ITPR2: variants seen among roughly 807,000 people sequenced by gnomAD.
ITPR2 encodes the protein inositol 1,4,5-trisphosphate receptor type 2, also known as inositol 1,4,5-trisphosphate-gated calcium channel ITPR2.
Under a neutral mutation model 317.1 loss-of-function variants are expected in ITPR2, and 207 were observed. That is an observed-to-expected ratio of 0.65 (90% CI 0.58 to 0.73). The LOEUF (loss-of-function observed/expected upper bound fraction) is 0.73. Ranked by LOEUF, ITPR2 falls within the 30% of genes least tolerant of loss-of-function variation. The probability of loss-of-function intolerance (pLI) is 0.00; values close to 1 mark genes in which losing one functional copy is unlikely to be tolerated. For missense variants in ITPR2, 2,613 were observed against 3,284.0 expected, an observed-to-expected ratio of 0.80 and a Z score of 4.99; for synonymous variants, 1,156 against 1,149.1, an observed-to-expected ratio of 1.01 and a Z score of -0.12.
intron 52 of ITPR2, among the ~76,000 whole-genome samples, chr12:26,408,617 C>T (rs561040654): frequency 2.0e-5 from 3 of 152,290 alleles, no homozygotes; most frequent in Admixed American, 6.5e-5. Context: ...CTGGCTACCA[C>T]GCTGTGGGTG....
chr12:26,433,560 T>C (rs1169962568), intron 48 of ITPR2, among the ~76,000 whole-genome samples: 2 of 152,194 alleles, frequency 1.3e-5, no homozygotes, highest in Non-Finnish European at 2.9e-5. Flanking sequence ...GTGATTTCAA[T>C]TCCTTCAACT....
chr12:26,529,677 C>G (rs752739143), intron 37 of ITPR2, among the ~76,000 whole-genome samples: 1 of 152,166 alleles, frequency 6.6e-6, no homozygotes, highest in East Asian at 1.9e-4. Context: ...AATAACCAAA[C>G]GTCTCTAAAC....
intron 13 of ITPR2, among the ~76,000 whole-genome samples, chr12:26,669,949 A>G (rs1301787614): frequency 3.3e-5 from 5 of 152,306 alleles, no homozygotes; most frequent in South Asian, 2.1e-4. Flanking sequence ...CTGATTGCTA[A>G]CGCAGCAGTC....
intron 13 of ITPR2, among the ~76,000 whole-genome samples, chr12:26,669,200 AAATATTATT>A (rs1415950312): frequency 6.6e-6 from 1 of 151,826 alleles, no homozygotes; most frequent in Non-Finnish European, 1.5e-5. Flanking sequence ...TACATTCTAA[AAATATTATT>A]AATCTATAAG....
At chr12:26,600,569 T>A (rs1462933078) in intron 28 of ITPR2, among the ~76,000 whole-genome samples, 3 of 152,050 alleles carry the variant, frequency 2.0e-5, no homozygotes, top group African/African-American at 7.2e-5. Context: ...AAATGTCTCA[T>A]TTTGCAGTAT....
At position 26,654,789 on chromosome 12, in the gene ITPR2, G is replaced by A. The variant is rs137992197; in HGVS notation, c.2590-663C>T. On this transcript the variant is annotated intron_variant, in intron 20 of 56. Transcript: ENST00000381340. ...GCCTACAGAAAGGCCCACATGGCAG[G>A]AAGCTGAGGTGCCAACAGCCAGCAA... is the stretch of plus-strand genomic sequence containing the variant. Among the ~76,000 whole-genome samples the A allele has an allele frequency of 9.8e-5, 15 of 152,294 alleles. No homozygotes were observed. The East Asian group carries it at 2.9e-3, about 29-fold the overall frequency.
intron 2 of ITPR2, among the ~76,000 whole-genome samples, chr12:26,738,149 T>C (rs957100252): frequency 2.6e-5 from 4 of 152,228 alleles, no homozygotes; most frequent in Admixed American, 2.6e-4. Context: ...GTATTACTAT[T>C]GTTCCCATGT....
intron 36 of ITPR2, among the ~76,000 whole-genome samples, chr12:26,553,352 C>T (rs570085412): frequency 3.5e-4 from 53 of 152,354 alleles, no homozygotes; most frequent in African/African-American, 1.2e-3. Context: ...GGTCTATCCT[C>T]ATATTCTCCT....
chr12:26,832,591 C>T, intron 1 of ITPR2, 99 bp downstream of exon 1: 2 of 873,748 alleles, frequency 2.3e-6, no homozygotes, highest in Non-Finnish European at 3.4e-6. Context: ...GCCGGGCCAC[C>T]ACGCGCGGCA....
At chr12:26,542,411 T>C (rs1327507277) in intron 37 of ITPR2, among the ~76,000 whole-genome samples, 2 of 152,172 alleles carry the variant, frequency 1.3e-5, no homozygotes, top group East Asian at 3.8e-4. Flanking sequence ...ACTGTTTAGG[T>C]TGGAATCCCA....
chr12:26,660,878 T>C (rs570703859), intron 15 of ITPR2, among the ~76,000 whole-genome samples: 2 of 151,934 alleles, frequency 1.3e-5, no homozygotes, highest in Non-Finnish European at 2.9e-5. Context: ...AAGTCACAAA[T>C]GAACTTCCTA....
intron 55 of ITPR2, among the ~76,000 whole-genome samples, chr12:26,364,056 T>C (rs543684603): frequency 2.6e-5 from 4 of 152,298 alleles, no homozygotes; most frequent in South Asian, 4.1e-4. Context: ...CCGTGGATAT[T>C]TGGCTAGGCT....
In ITPR2 at chr12:26,786,449, T is replaced by TAAAAA. The variant is rs59014121; in HGVS notation, c.163+3703_163+3707dup. Among the ~76,000 whole-genome samples, 118 of 119,218 alleles carry TAAAAA rather than the reference T, an allele frequency of 9.9e-4. 1 individual carries two copies. The highest frequency in any genetic ancestry group is 3.8e-3 in the African/African-American group (103 of 26,806). 78.2% of individuals were successfully genotyped at this position (119,218 alleles called of 152,430 possible). A position where few individuals can be genotyped will look rare whatever the true frequency, so the allele number is the denominator to read the frequency against. The stretch of plus-strand genomic sequence containing the variant: ...GCGAGAAACACCCAAGAATGATCAA[T>TAAAAA]AAAAAAAAAAAAAAAAAAAAATGGA... On this transcript the variant is annotated intron_variant, in intron 2 of 56. Coordinates refer to ENST00000381340, the MANE Select transcript of ITPR2 (RefSeq NM_002223.4).
chr12:26,484,005 G>GT, intron 41 of ITPR2, 107 bp from the exon 42 acceptor site: 1 of 960,906 alleles, frequency 1.0e-6, no homozygotes, highest in Non-Finnish European at 1.6e-6. Flanking sequence ...TGTAAGAAAA[G>GT]TATTCGCATT....
intron 2 of ITPR2, among the ~76,000 whole-genome samples, chr12:26,772,484 TATAATAC>T (rs1465023422): frequency 1.0e-4 from 7 of 67,956 alleles, no homozygotes; most frequent in Non-Finnish European, 1.4e-4. Context: ...ATATAATATA[TATAATAC>T]ATATAATACA....
intron 9 of ITPR2, among the ~76,000 whole-genome samples, chr12:26,708,832 T>C (rs1188506199): frequency 1.3e-5 from 2 of 152,236 alleles, no homozygotes; most frequent in East Asian, 3.8e-4. Flanking sequence ...ATGTGATTAT[T>C]ACACATTGTA....
chr12:26,772,375 T>C (rs1283091875), intron 2 of ITPR2, among the ~76,000 whole-genome samples: 1 of 142,412 alleles, frequency 7.0e-6, no homozygotes, highest in African/African-American at 2.5e-5. Context: ...CTTATCACTT[T>C]CTACCTTGTG....
chr12:26,563,442 T>C (rs1006870914), intron 34 of ITPR2, among the ~76,000 whole-genome samples: 1 of 151,956 alleles, frequency 6.6e-6, no homozygotes, highest in South Asian at 2.1e-4. Flanking sequence ...TGGTGGTGCA[T>C]GCCTGTAATC....
intron 37 of ITPR2, among the ~76,000 whole-genome samples, chr12:26,498,155 A>G (rs185323993): frequency 6.6e-6 from 1 of 152,332 alleles, no homozygotes; most frequent in Non-Finnish European, 1.5e-5. Flanking sequence ...TTCCTATTTC[A>G]TGTTTTCTTT....
Sources: gnomAD v4.1 joint callset for allele counts (sites outside exome capture counted in the v4.1 genomes callset) on GRCh38, gnomAD v4.1.1 for gene constraint, MANE v1.5 for transcripts, NCBI Gene and HGNC (gene_info 2026-07-23, HGNC 2026-07-21) for gene names.